Variants in NELL1 observed in about 807,000 individuals in gnomAD.
NELL1 encodes the protein neural EGFL like 1.
A neutral mutation model predicts 107.4 loss-of-function variants in NELL1; 76 were observed. The observed-to-expected ratio is 0.71, with a 90% CI of 0.59 to 0.86. The LOEUF (loss-of-function observed/expected upper bound fraction) is 0.86, where lower values mean the gene tolerates loss of function less well. NELL1 is among the 40% of genes least tolerant of loss of function. The pLI, the probability that NELL1 is intolerant of heterozygous loss-of-function variation, is 0.00. For synonymous variants in NELL1, 353 were observed against 341.2 expected, an observed-to-expected ratio of 1.03 and a Z score of -0.38; for missense variants, 1,024 against 1,005.5, an observed-to-expected ratio of 1.02 and a Z score of -0.25.
At chr11:21,241,166 A>C (rs1160027944) in intron 14 of NELL1, among the ~76,000 whole-genome samples, 1 of 152,108 alleles carries the variant, frequency 6.6e-6, no homozygotes, top group Non-Finnish European at 1.5e-5. Flanking sequence ...AACAATTCTC[A>C]ATGGACCAGG....
At chr11:20,837,778 T>C (rs898129462) in intron 3 of NELL1, among the ~76,000 whole-genome samples, 1 of 151,632 alleles carries the variant, frequency 6.6e-6, no homozygotes, top group African/African-American at 2.4e-5. Flanking sequence ...TAACCCAAAG[T>C]AAAAAATGAT....
chr11:20,743,773 C>T (rs1383544383), intron 2 of NELL1, among the ~76,000 whole-genome samples: 1 of 152,196 alleles, frequency 6.6e-6, no homozygotes, highest in Non-Finnish European at 1.5e-5. Flanking sequence ...CATCTGTACA[C>T]TGATGACACT....
At chr11:20,882,957 T>C (rs1394768689) in intron 4 of NELL1, among the ~76,000 whole-genome samples, 4 of 152,244 alleles carry the variant, frequency 2.6e-5, no homozygotes, top group Non-Finnish European at 5.9e-5. Flanking sequence ...TTGAGGTTTA[T>C]CTGATGTTTC....
At chr11:20,852,554 T>C (rs1848812673) in intron 4 of NELL1, among the ~76,000 whole-genome samples, 1 of 152,206 alleles carries the variant, frequency 6.6e-6, no homozygotes, top group African/African-American at 2.4e-5. Flanking sequence ...CTTGTATTTT[T>C]TGAGGTGGTT....
chr11:20,881,523 G>T (rs1282316751), intron 4 of NELL1, among the ~76,000 whole-genome samples: 2 of 152,150 alleles, frequency 1.3e-5, no homozygotes, highest in Non-Finnish European at 2.9e-5. Context: ...CCACCTGAGG[G>T]TGTTGTTATG....
intron 2 of NELL1, among the ~76,000 whole-genome samples, chr11:20,694,105 A>G (rs1715289): frequency 0.21 from 31,680 of 152,018 alleles, 3,601 homozygotes; most frequent in African/African-American, 0.27. Context: ...CATTCTTCAC[A>G]TAGTTCTCAA....
At chr11:21,517,868 T>A (rs1855609020) in intron 15 of NELL1, among the ~76,000 whole-genome samples, 1 of 152,116 alleles carries the variant, frequency 6.6e-6, no homozygotes, top group Non-Finnish European at 1.5e-5. Context: ...GAGAAATGAT[T>A]CAGTCCCTTT....
chr11:21,051,697 G>C (rs1034315658), intron 12 of NELL1, among the ~76,000 whole-genome samples: 2 of 152,094 alleles, frequency 1.3e-5, no homozygotes, highest in Non-Finnish European at 2.9e-5. Context: ...ATAAGGAAGT[G>C]ATCTTCACTG....
chr11:21,479,964 T>C (rs1306218197), intron 15 of NELL1, among the ~76,000 whole-genome samples: 1 of 152,190 alleles, frequency 6.6e-6, no homozygotes, highest in Non-Finnish European at 1.5e-5. Context: ...TTATCTGATA[T>C]GGTTTCTGTG....
intron 14 of NELL1, among the ~76,000 whole-genome samples, chr11:21,321,077 G>T (rs1447233101): frequency 6.6e-6 from 1 of 152,176 alleles, no homozygotes; most frequent in Non-Finnish European, 1.5e-5. Context: ...ATTTGTTTTA[G>T]AACTCTTTCT....
chr11:20,933,216 C>G (rs1354396380), intron 9 of NELL1, among the ~76,000 whole-genome samples: 1 of 152,222 alleles, frequency 6.6e-6, no homozygotes, highest in Non-Finnish European at 1.5e-5. Flanking sequence ...CAGGCAGGCA[C>G]AGCCTGGGAA....
chr11:21,520,589 C>A (rs1855695883), intron 15 of NELL1, among the ~76,000 whole-genome samples: 1 of 152,042 alleles, frequency 6.6e-6, no homozygotes, highest in African/African-American at 2.4e-5. Context: ...TGCATGGATC[C>A]CATAGAGTCT....
At chr11:21,374,007 A>T (rs1379934711) in intron 15 of NELL1, among the ~76,000 whole-genome samples, 1 of 152,074 alleles carries the variant, frequency 6.6e-6, no homozygotes. Flanking sequence ...GATGTAATGT[A>T]GCCACCTACA....
At chr11:21,558,998 A>ATAATT (rs1211056807) in intron 16 of NELL1, among the ~76,000 whole-genome samples, 4 of 152,134 alleles carry the variant, frequency 2.6e-5, no homozygotes, top group African/African-American at 9.6e-5. Context: ...TACAGGCATC[A>ATAATT]TAATTTGGGA....
intron 13 of NELL1, among the ~76,000 whole-genome samples, chr11:21,187,381 G>A (rs887642542): frequency 2.0e-5 from 3 of 151,800 alleles, no homozygotes; most frequent in Non-Finnish European, 4.4e-5. Flanking sequence ...GTGGAAGATG[G>A]TGCTAAGGTA....
At chr11:21,218,159 T>TATTTTTC (rs1857663699) in intron 13 of NELL1, among the ~76,000 whole-genome samples, 1 of 152,124 alleles carries the variant, frequency 6.6e-6, no homozygotes, top group Admixed American at 6.6e-5. Flanking sequence ...CCTAAATGTG[T>TATTTTTC]ATTTTTCACC....
At chr11:20,676,418 T>C (rs1354734206) in intron 1 of NELL1, among the ~76,000 whole-genome samples, 1 of 152,094 alleles carries the variant, frequency 6.6e-6, no homozygotes, top group Non-Finnish European at 1.5e-5. Flanking sequence ...CAGTAATACC[T>C]GTTGAAAAAA....
At chr11:20,898,322 A>G (rs1458228045) in intron 5 of NELL1, among the ~76,000 whole-genome samples, 2 of 152,094 alleles carry the variant, frequency 1.3e-5, no homozygotes, top group Non-Finnish European at 2.9e-5. Flanking sequence ...TTGCGAGGAC[A>G]AAAAACCAAA....
intron 15 of NELL1, among the ~76,000 whole-genome samples, chr11:21,427,482 A>G (rs1852852640): frequency 6.6e-6 from 1 of 152,212 alleles, no homozygotes; most frequent in African/African-American, 2.4e-5. Context: ...AACTTCAATC[A>G]TGAAAACCTC....
Sources: gnomAD v4.1 joint callset for allele counts (sites outside exome capture counted in the v4.1 genomes callset) on GRCh38, gnomAD v4.1.1 for gene constraint, MANE v1.5 for transcripts, NCBI Gene and HGNC (gene_info 2026-07-23, HGNC 2026-07-21) for gene names.